Variants in KRT20 observed in about 807,000 individuals in gnomAD.
KRT20 encodes the protein keratin, type I cytoskeletal 20.
A neutral mutation model predicts 43.0 loss-of-function variants in KRT20; 41 were observed. The ratio of observed to expected loss-of-function variants is 0.95; its 90% CI spans 0.74 to 1.24. The LOEUF is 1.24. KRT20 is among the 50% of genes most tolerant of loss of function. KRT20 has a pLI of 0.00. For missense variants in KRT20, 533 were observed against 521.2 expected (o/e 1.02, Z -0.22); for synonymous variants, 207 against 200.6 (o/e 1.03, Z -0.27).
rs1399756413 is a variant in KRT20, at chr17:40,879,917, C to T, written c.814G>A (p.Val272Ile). The T allele has an allele frequency of 1.2e-6, 2 of 1,613,512 alleles. No homozygotes were observed. Among genetic ancestry groups the T allele is most frequent in the African/African-American group, 2.7e-5 (2 of 74,684 alleles). ...ERQTAVLQQQVTVNTEELKGT... is the reference protein window; with the variant it reads ...ERQTAVLQQQITVNTEELKGT... ...TTTAATTCTTCAGTATTCACTGTGA[C>T]CTGTTGCTGCAGAACTGCAGTCTAC... Residue 272 changes from valine (V) to isoleucine (I), a missense_variant, in exon 5 of 8, where the codon GTC becomes ATC. Coordinates refer to ENST00000167588, the MANE Select transcript of KRT20 (RefSeq NM_019010.3).
intron 7 of KRT20, 45 bp from the exon 8 acceptor site, chr17:40,876,503 C>G: frequency 8.9e-7 from 1 of 1,121,620 alleles, no homozygotes. Flanking sequence ...GCACATGACT[C>G]TGCTGATTTA....
In KRT20 at chr17:40,882,754, G is replaced by A. The variant is rs192447247; in HGVS notation, c.391-100C>T. The A allele has an allele frequency of 9.3e-5, 33 of 355,864 alleles. No individual in the cohort carries two copies. The East Asian group carries it at 1.9e-3, about 20-fold the overall frequency. 22.0% of individuals were successfully genotyped at this position (355,864 alleles called of 1,614,324 possible). On this transcript the variant is annotated intron_variant, in intron 1 of 7. Coordinates refer to ENST00000167588, the MANE Select transcript of KRT20 (RefSeq NM_019010.3). ...AGACAGAATCTTGCTCTGTTGCCCA[G>A]ACTGGAGTGCAATGGTACGATCTCG...
Position 40,880,491 on chromosome 17 carries a change from A to G in KRT20, c.630+123T>C, listed in dbSNP as rs1046875652. The G allele has an allele frequency of 8.0e-6, 7 of 871,202 alleles. 1 individual carries two copies. In the African/African-American group the frequency reaches 1.0e-4, roughly 13 times the overall value. 54.0% of individuals were successfully genotyped at this position (871,202 alleles called of 1,614,324 possible). A position where few individuals can be genotyped will look rare whatever the true frequency, so the allele number is the denominator to read the frequency against. On this transcript the variant is annotated intron_variant, in intron 3 of 7. Coordinates refer to ENST00000167588, the MANE Select transcript of KRT20 (RefSeq NM_019010.3). Reference sequence around the variant, plus strand: ...GGCTTGTATCATTATTGTCATCGTCATCATCTCTGTCACTATCACCACCAA... The same window carrying G: ...GGCTTGTATCATTATTGTCATCGTCGTCATCTCTGTCACTATCACCACCAA...
chr17:40,884,472 T>A (rs1461300468), intron 1 of KRT20, among the ~76,000 whole-genome samples: 1 of 152,218 alleles, frequency 6.6e-6, no homozygotes, highest in Admixed American at 6.5e-5. Context: ...ACGTAATTAA[T>A]TTTTAGCTCT....
Position 40,877,408 on chromosome 17 carries a change from T to G in KRT20, c.1149A>C (p.Glu383Asp). Residue 383 changes from glutamate to aspartate, a missense_variant, in exon 7 of 8, where the codon GAA (glutamate) becomes GAC (aspartate). Transcript: ENST00000167588. Reference sequence around the variant, plus strand: ...TCTCTTCCAGGGTGCTTAACTGATATTCTGTAGTTCTGTTTTTTTTTTTAA... The same window carrying G: ...TCTCTTCCAGGGTGCTTAACTGATAGTCTGTAGTTCTGTTTTTTTTTTTAA... ...LLEGEDVKTT[E>D]YQLSTLEERD... 1 of 1,514,922 alleles carries G rather than the reference T, an allele frequency of 6.6e-7. No individual in the cohort carries two copies. 93.8% of individuals were successfully genotyped at this position (1,514,922 alleles called of 1,614,324 possible).
In KRT20 at chr17:40,885,204, G is replaced by GC. The variant is rs770051860; in HGVS notation, c.-20dup. 2 of 1,574,852 alleles carry GC rather than the reference G, an allele frequency of 1.3e-6. No homozygotes were observed. On this transcript the variant is annotated 5_prime_UTR_variant, in exon 1 of 8. Transcript: ENST00000167588. ...AATCCATTGGAGATTCCAGGAGGGA[G>GC]CACCTGTAGCTTCAGGATGGTTGGG...
intron 6 of KRT20, 107 bp downstream of exon 6, chr17:40,878,038 G>T: frequency 1.1e-6 from 1 of 942,034 alleles, no homozygotes; most frequent in Non-Finnish European, 1.7e-6. Flanking sequence ...GAGTATAATT[G>T]CTTCTGTCCT....
chr17:40,879,701 T>G, intron 5 of KRT20, 112 bp downstream of exon 5: 1 of 1,226,904 alleles, frequency 8.2e-7, no homozygotes, highest in South Asian at 1.5e-5. Context: ...TCCCTGCCAG[T>G]TCTGCAAGGG....
rs776178118 is a variant in KRT20, at chr17:40,884,804, G to A, written c.382C>T (p.Arg128Ter). 1.9e-6 allele frequency: 3 copies of A among 1,611,658 alleles called. No homozygotes were observed. The highest frequency in any genetic ancestry group is 1.7e-6 in the Non-Finnish European group (2 of 1,178,212). ...CAAGCATCATCTCTCACCTGACTTCGCAGCTCTTCAATTTGTCTGTAATAT... is the reference window on the plus strand; with the variant it reads ...CAAGCATCATCTCTCACCTGACTTCACAGCTCTTCAATTTGTCTGTAATAT... Reference protein sequence around the residue: ...SAYYRQIEELRSQIKDAQLQN... With the variant: ...SAYYRQIEEL Residue 128 changes from arginine to a stop codon, truncating the protein, a stop_gained, in exon 1 of 8, where the codon CGA becomes TGA. Coordinates refer to ENST00000167588, the MANE Select transcript of KRT20 (RefSeq NM_019010.3). LOFTEE classifies it high-confidence loss of function.
chr17:40,878,194 C>G lies in KRT20; in HGVS notation c.1090G>C (p.Glu364Gln), dbSNP rs1907430014. The G allele has an allele frequency of 6.2e-7, 1 of 1,614,060 alleles. No homozygotes were observed. Among genetic ancestry groups the G allele is most frequent in the Non-Finnish European group, 8.5e-7 (1 of 1,180,008 alleles). Reference sequence around the variant, plus strand: ...CGGCGGTAAGTAGCAATTTCCTGTTCAAGTCGAGTCTTTATGTCAAGAAGG... The same window carrying G: ...CGGCGGTAAGTAGCAATTTCCTGTTGAAGTCGAGTCTTTATGTCAAGAAGG... ...HILLDIKTRLEQEIATYRRLL... is the reference protein window; with the variant it reads ...HILLDIKTRLQQEIATYRRLL... Residue 364 changes from glutamate (E) to glutamine (Q), a missense_variant, in exon 6 of 8, where the codon GAA (glutamate) becomes CAA (glutamine). Transcript: ENST00000167588.
intron 1 of KRT20, among the ~76,000 whole-genome samples, chr17:40,883,806 T>A (rs1437270280): frequency 6.6e-6 from 1 of 152,224 alleles, no homozygotes; most frequent in East Asian, 1.9e-4. Context: ...TTGCGAAGGA[T>A]GAACTTTATT....
intron 5 of KRT20, among the ~76,000 whole-genome samples, chr17:40,878,586 T>C (rs1400544710): frequency 6.6e-6 from 1 of 152,180 alleles, no homozygotes; most frequent in East Asian, 1.9e-4. Flanking sequence ...TTGCACCTAC[T>C]GTTCTTTCAG....
chr17:40,876,793 G>C (rs934345355), intron 7 of KRT20, among the ~76,000 whole-genome samples: 5 of 152,164 alleles, frequency 3.3e-5, no homozygotes, highest in African/African-American at 1.2e-4. Flanking sequence ...ACCCCATTCT[G>C]AGGAGTGTGC....
chr17:40,879,692 C>G, intron 5 of KRT20, 121 bp downstream of exon 5: 2 of 1,113,344 alleles, frequency 1.8e-6, no homozygotes, highest in Non-Finnish European at 2.6e-6. Context: ...CGGCCTGTTT[C>G]CCTGCCAGTT....
At chr17:40,880,311 A>C in intron 3 of KRT20, 50 bp from the exon 4 acceptor site, 1 of 1,534,486 alleles carries the variant, frequency 6.5e-7, no homozygotes, top group South Asian at 1.2e-5. Flanking sequence ...ACATTCTCAG[A>C]TAAGGCTGGG....
chr17:40,879,782 G>T (rs759631754), intron 5 of KRT20, 31 bp downstream of exon 5: 1 of 1,611,444 alleles, frequency 6.2e-7, no homozygotes, highest in South Asian at 1.1e-5. Context: ...ACACATACTA[G>T]ATTGAGAAAG....
chr17:40,880,995 G>C (rs1388745781), intron 2 of KRT20, among the ~76,000 whole-genome samples: 1 of 152,066 alleles, frequency 6.6e-6, no homozygotes, highest in Non-Finnish European at 1.5e-5. Flanking sequence ...TGGTAAAAAG[G>C]CAATCTGAAA....
At position 40,878,170 on chromosome 17, in the gene KRT20, G is replaced by A. The variant is rs553162264; in HGVS notation, c.1114C>T (p.Arg372Cys). ...TTTACGTCTTCTCCTTCCAGAAGGCGGCGGTAAGTAGCAATTTCCTGTTCA... is the reference window on the plus strand; with the variant it reads ...TTTACGTCTTCTCCTTCCAGAAGGCAGCGGTAAGTAGCAATTTCCTGTTCA... The part of the protein sequence containing the change: ...RLEQEIATYR[R>C]LLEGEDVKTT... Residue 372 changes from arginine (R) to cysteine (C), a missense_variant, in exon 6 of 8, where the codon CGC (arginine) becomes TGC (cysteine). Arg to Cys is a radical substitution (Grantham distance 180, BLOSUM62 -3). Coordinates refer to ENST00000167588, the MANE Select transcript of KRT20 (RefSeq NM_019010.3). 11 of 1,613,894 alleles carry A rather than the reference G, an allele frequency of 6.8e-6. No homozygotes were observed. The highest frequency in any genetic ancestry group is 5.3e-5 in the African/African-American group (4 of 74,874).
chr17:40,878,194 C>T lies in KRT20; in HGVS notation c.1090G>A (p.Glu364Lys). The part of the protein sequence containing the change: ...HILLDIKTRL[E>K]QEIATYRRLL... ...CGGCGGTAAGTAGCAATTTCCTGTTCAAGTCGAGTCTTTATGTCAAGAAGG... is the reference window on the plus strand; with the variant it reads ...CGGCGGTAAGTAGCAATTTCCTGTTTAAGTCGAGTCTTTATGTCAAGAAGG... Residue 364 changes from glutamate to lysine, a missense_variant, in exon 6 of 8, where the codon GAA becomes AAA. Physicochemically the swap from Glu to Lys is moderately conservative, Grantham distance 56 (BLOSUM62 1). Transcript: ENST00000167588. 6.2e-7 allele frequency: 1 copy of T among 1,614,060 alleles called. No homozygotes were observed.
Sources: gnomAD v4.1 joint callset for allele counts (sites outside exome capture counted in the v4.1 genomes callset) on GRCh38, gnomAD v4.1.1 for gene constraint, MANE v1.5 for transcripts, NCBI Gene and HGNC (gene_info 2026-07-23, HGNC 2026-07-21) for gene names.